Variants in OGT observed in about 807,000 individuals in gnomAD.
OGT encodes the protein UDP-N-acetylglucosamine--peptide N-acetylglucosaminyltransferase 110 kDa subunit.
A neutral mutation model predicts 75.8 loss-of-function variants in OGT; 3 were observed. The observed-to-expected ratio is 0.04, with a 90% confidence interval of 0.02 to 0.10. OGT has a LOEUF of 0.10. OGT is among the 10% of genes least tolerant of loss of function. OGT has a pLI of 1.00. For synonymous variants in OGT, 257 were observed against 289.7 expected, an observed-to-expected ratio of 0.89 and a Z score of 1.15; for missense variants, 260 against 824.4, an observed-to-expected ratio of 0.32 and a Z score of 8.38.
rs1602155823 is a variant in OGT, at chrX:71,567,510, G to A, written c.2600G>A (p.Arg867His). The change falls in exon 20 of 22, where the codon CGT (arginine) becomes CAT (histidine). Residue 867 changes from arginine to histidine, a missense_variant. Arg to His is a conservative substitution (Grantham distance 29). This residue lies in a region of OGT where 79 missense variants were observed against 141.0 expected (regional missense o/e 0.56). Coordinates refer to ENST00000373719, the MANE Select transcript of OGT (RefSeq NM_181672.3). ...TTTTCCCTATTTTAGATTCTGAAGC[G>A]TGTTCCCAATAGTGTACTCTGGCTG... is the stretch of plus-strand genomic sequence containing the variant. ...TLQMWANILK[R>H]VPNSVLWLLR... is the part of the protein sequence containing the mutation. The A allele has an allele frequency of 1.8e-6, 2 of 1,131,733 alleles. No homozygotes were observed. The highest frequency in any genetic ancestry group is 1.2e-6 in the Non-Finnish European group (1 of 850,196). The allele number at this position is 1,131,733 out of a possible 1,213,427, so 93.3% of individuals were successfully genotyped here. A position where few individuals can be genotyped will look rare whatever the true frequency, so the allele number is the denominator to read the frequency against.
chrX:71,561,992 G>A, intron 15 of OGT, 92 bp downstream of exon 15: 4 of 893,939 alleles, frequency 4.5e-6, no homozygotes, highest in Non-Finnish European at 4.6e-6. Flanking sequence ...ACTGATATTT[G>A]AAACTGTAGG....
At chrX:71,557,379 C>T (rs1333211638) in intron 11 of OGT, 83 bp downstream of exon 11, 1 of 1,054,805 alleles carries the variant, frequency 9.5e-7, no homozygotes, top group East Asian at 3.1e-5. Context: ...CCAAGCCTGA[C>T]TGGAAATAGT....
At chrX:71,539,739 C>T (rs2040204458) in intron 3 of OGT, among the ~76,000 whole-genome samples, 1 of 112,336 alleles carries the variant, frequency 8.9e-6, no homozygotes, top group African/African-American at 3.2e-5. Flanking sequence ...TCAGGGCTCA[C>T]CTCTGTACCC....
intron 21 of OGT, among the ~76,000 whole-genome samples, chrX:71,571,505 G>C (rs1264601837): frequency 8.9e-6 from 1 of 112,163 alleles, no homozygotes; most frequent in Non-Finnish European, 1.9e-5. Context: ...GGCTCAAGCA[G>C]TCTTCCCCTC....
intron 7 of OGT, 79 bp downstream of exon 7, chrX:71,555,464 G>C (rs1320578173): frequency 3.3e-6 from 3 of 915,511 alleles, no homozygotes; most frequent in Non-Finnish European, 3.1e-6. Flanking sequence ...GCTCACACTT[G>C]TAATGCCAGC....
intron 3 of OGT, among the ~76,000 whole-genome samples, chrX:71,543,579 C>T (rs778178758): frequency 1.7e-3 from 192 of 109,993 alleles, no homozygotes; most frequent in Non-Finnish European, 2.7e-3. Context: ...GAAATGAAGT[C>T]AGAGTTTCTA....
chrX:71,540,462 G>T (rs1310255633), intron 3 of OGT, among the ~76,000 whole-genome samples: 1 of 111,991 alleles, frequency 8.9e-6, no homozygotes, highest in Non-Finnish European at 1.9e-5. Flanking sequence ...AGAGTAGAAT[G>T]TTAAGGTGGT....
chrX:71,570,162 T>C (rs1390010052), intron 21 of OGT, among the ~76,000 whole-genome samples: 1 of 102,936 alleles, frequency 9.7e-6, no homozygotes, highest in Non-Finnish European at 2.0e-5. Context: ...TGCCTCAGCC[T>C]CCTGAGTAGC....
chrX:71,558,676 A>G (rs983463290), intron 12 of OGT, among the ~76,000 whole-genome samples: 6 of 109,860 alleles, frequency 5.5e-5, no homozygotes, highest in African/African-American at 1.7e-4. Flanking sequence ...TTTTTAGAAA[A>G]TGTTTCCCTA....
chrX:71,555,309 G>A lies in OGT; in HGVS notation c.848G>A (p.Arg283Lys). 2 of 1,211,529 alleles carry A rather than the reference G, an allele frequency of 1.7e-6. No homozygotes were observed. Among genetic ancestry groups the A allele is most frequent in the East Asian group, 3.0e-5 (1 of 33,860 alleles). ...GLIDLAIDTY[R>K]RAIELQPHFP... ...ATAGATCTGGCAATAGACACCTACAGGCGGGCTATCGAACTACAACCACAT... is the reference window on the plus strand; with the variant it reads ...ATAGATCTGGCAATAGACACCTACAAGCGGGCTATCGAACTACAACCACAT... The change falls in exon 7 of 22, where the codon AGG (arginine) becomes AAG (lysine). Residue 283 changes from arginine to lysine, a missense_variant. Physicochemically the swap from Arg to Lys is conservative, Grantham distance 26. Coordinates refer to ENST00000373719, the MANE Select transcript of OGT (RefSeq NM_181672.3).
chrX:71,535,296 C>T (rs1429001926), intron 1 of OGT, among the ~76,000 whole-genome samples: 1 of 111,492 alleles, frequency 9.0e-6, no homozygotes, highest in Admixed American at 9.5e-5. Context: ...TTGACCATTG[C>T]AGTTGCAGGT....
At chrX:71,560,480 A>G (rs1311370593) in intron 14 of OGT, among the ~76,000 whole-genome samples, 1 of 110,725 alleles carries the variant, frequency 9.0e-6, no homozygotes. Context: ...TGTAGACTCT[A>G]TTAGCCACTT....
Position 71,573,858 on chromosome X carries a change from T to C in OGT, c.*64T>C. 1.1e-6 allele frequency: 1 copy of C among 891,964 alleles called. No homozygotes were observed. Among genetic ancestry groups the C allele is most frequent in the South Asian group, 2.7e-5 (1 of 36,546 alleles). 73.5% of individuals were successfully genotyped at this position (891,964 alleles called of 1,213,427 possible). ...CTCAACCTTCTGGGGGAAAGGGAAC[T>C]AGATAACATACTTCTTACTTGTCTG... On this transcript the variant is annotated 3_prime_UTR_variant, in exon 22 of 22. Transcript: ENST00000373719.
chrX:71,537,750 C>CTGTT, intron 2 of OGT, 79 bp from the exon 3 acceptor site: 1 of 1,099,936 alleles, frequency 9.1e-7, no homozygotes, highest in Admixed American at 2.3e-5. Context: ...AGATCTCAAA[C>CTGTT]TGTTTGAGTT....
chrX:71,551,380 C>G (rs1367277648), intron 5 of OGT, among the ~76,000 whole-genome samples: 1 of 112,209 alleles, frequency 8.9e-6, no homozygotes, highest in Non-Finnish European at 1.9e-5. Context: ...GCCTGTAATC[C>G]CAGCACTTCG....
intron 8 of OGT, 33 bp downstream of exon 8, chrX:71,556,127 A>G (rs1315070146): frequency 8.4e-7 from 1 of 1,188,491 alleles, no homozygotes; most frequent in Non-Finnish European, 1.1e-6. Context: ...GGCATTTAGC[A>G]TGATAGTAGA....
intron 15 of OGT, 21 bp downstream of exon 15, chrX:71,561,921 C>T (rs769699389): frequency 2.6e-6 from 3 of 1,160,359 alleles, no homozygotes; most frequent in Non-Finnish European, 3.5e-6. Flanking sequence ...TAACAGTCAT[C>T]ACTTATAACA....
chrX:71,538,295 A>C (rs754222465), intron 3 of OGT, among the ~76,000 whole-genome samples: 3 of 112,764 alleles, frequency 2.7e-5, no homozygotes, highest in African/African-American at 9.7e-5. Context: ...TTCTTATTGC[A>C]AGAAACTACA....
chrX:71,570,951 G>A (rs1205908438), intron 21 of OGT, among the ~76,000 whole-genome samples: 1 of 106,860 alleles, frequency 9.4e-6, no homozygotes, highest in Non-Finnish European at 1.9e-5. Context: ...ATGCCACCAT[G>A]CCTGGCTTTT....
Sources: allele counts gnomAD v4.1 joint callset (sites outside exome capture counted in the v4.1 genomes callset), GRCh38; gene constraint gnomAD v4.1.1; regional missense constraint gnomAD v4.1.1; transcripts MANE v1.5; gene names NCBI Gene and HGNC (gene_info 2026-07-23, HGNC 2026-07-21).